GUCY1B1: variants seen among roughly 807,000 people sequenced by gnomAD.
GUCY1B1 encodes the protein guanylate cyclase soluble subunit beta-1.
Under a neutral mutation model 71.0 loss-of-function variants are expected in GUCY1B1, and 43 were observed. That is an observed-to-expected ratio of 0.61 (90% CI 0.47 to 0.78). The LOEUF (loss-of-function observed/expected upper bound fraction) is 0.78. GUCY1B1 is among the 30% of genes least tolerant of loss of function. The pLI is 0.00. For missense variants in GUCY1B1, 535 were observed against 754.1 expected, an observed-to-expected ratio of 0.71 and a Z score of 3.40; for synonymous variants, 266 against 259.7, an observed-to-expected ratio of 1.02 and a Z score of -0.23.
At chr4:155,803,906 T>G (rs1740129417) in intron 11 of GUCY1B1, 142 bp downstream of exon 11, 2 of 494,976 alleles carry the variant, frequency 4.0e-6, no homozygotes, top group Non-Finnish European at 6.9e-6. Flanking sequence ...TCCAGCCCAC[T>G]GTACTACATT....
At chr4:155,799,341 A>G (rs1031760488) in intron 8 of GUCY1B1, among the ~76,000 whole-genome samples, 1 of 152,202 alleles carries the variant, frequency 6.6e-6, no homozygotes, top group Non-Finnish European at 1.5e-5. Flanking sequence ...AGAATGACAC[A>G]TAGTTTTAGA....
chr4:155,771,824 G>A (rs1737711609), intron 2 of GUCY1B1, among the ~76,000 whole-genome samples: 1 of 152,056 alleles, frequency 6.6e-6, no homozygotes, highest in Non-Finnish European at 1.5e-5. Context: ...TGTCTACAAT[G>A]CAATTTTATG....
intron 2 of GUCY1B1, 61 bp downstream of exon 2, chr4:155,759,921 C>A: frequency 1.6e-6 from 2 of 1,249,878 alleles, no homozygotes; most frequent in Non-Finnish European, 2.3e-6. Flanking sequence ...AGGCCCCCCG[C>A]GCCTCGCCTG....
At chr4:155,769,660 T>C (rs1737565693) in intron 2 of GUCY1B1, among the ~76,000 whole-genome samples, 1 of 152,150 alleles carries the variant, frequency 6.6e-6, no homozygotes, top group African/African-American at 2.4e-5. Context: ...AGATGAGCAC[T>C]CTTGAACACA....
chr4:155,787,019 A>T (rs1013275842), intron 4 of GUCY1B1, among the ~76,000 whole-genome samples: 1 of 152,194 alleles, frequency 6.6e-6, no homozygotes, highest in Non-Finnish European at 1.5e-5. Context: ...AATGCAGATA[A>T]AAATAAAACT....
intron 6 of GUCY1B1, among the ~76,000 whole-genome samples, chr4:155,794,945 A>G (rs975268835): frequency 2.0e-5 from 3 of 152,194 alleles, no homozygotes; most frequent in Admixed American, 1.3e-4. Flanking sequence ...AGCCCTCTAG[A>G]TAAATATTAA....
chr4:155,768,500 A>C (rs1406597787), intron 2 of GUCY1B1, among the ~76,000 whole-genome samples: 1 of 133,744 alleles, frequency 7.5e-6, no homozygotes, highest in Admixed American at 7.9e-5. Flanking sequence ...ATGTGTGGGG[A>C]AATTGATTTC....
At chr4:155,799,835 T>C (rs764066071) in intron 8 of GUCY1B1, 42 bp from the exon 9 acceptor site, 3 of 1,190,740 alleles carry the variant, frequency 2.5e-6, no homozygotes, top group Admixed American at 1.9e-5. Flanking sequence ...TTGTCATGTA[T>C]ATAAGTTGAG....
intron 9 of GUCY1B1, 40 bp downstream of exon 9, chr4:155,800,114 C>T: frequency 7.5e-7 from 1 of 1,334,010 alleles, no homozygotes; most frequent in Non-Finnish European, 1.0e-6. Context: ...TTATTCATAA[C>T]ATAATGTGAC....
chr4:155,777,493 C>CT (rs778615522), intron 3 of GUCY1B1, 31 bp from the exon 4 acceptor site: 11 of 1,099,408 alleles, frequency 1.0e-5, no homozygotes, highest in South Asian at 2.5e-5. Flanking sequence ...CTATTATATG[C>CT]TTTTTTTCCC....
At chr4:155,772,618 G>T in intron 2 of GUCY1B1, 1 of 682,428 alleles carries the variant, frequency 1.5e-6, no homozygotes, top group Non-Finnish European at 2.7e-6. Context: ...AGAGGTCTTG[G>T]TATGTCGCCC....
intron 2 of GUCY1B1, among the ~76,000 whole-genome samples, chr4:155,770,730 G>A (rs1221731375): frequency 6.6e-6 from 1 of 152,280 alleles, no homozygotes; most frequent in Middle Eastern, 3.4e-3. Flanking sequence ...TTAGGTATAA[G>A]GTGGTAAGGA....
intron 2 of GUCY1B1, 133 bp downstream of exon 2, chr4:155,759,993 C>T (rs1265277496): frequency 4.0e-5 from 25 of 621,386 alleles, no homozygotes; most frequent in Non-Finnish European, 6.8e-5. Flanking sequence ...GCGCCTCGCT[C>T]CCGGCTCGCT....
At chr4:155,791,767 C>G (rs1312011558) in intron 5 of GUCY1B1, among the ~76,000 whole-genome samples, 2 of 110,472 alleles carry the variant, frequency 1.8e-5, no homozygotes, top group Non-Finnish European at 3.9e-5. Context: ...TAAAGCAAAA[C>G]AAAACGAAAA....
At chr4:155,787,553 T>C (rs1236303525) in intron 4 of GUCY1B1, among the ~76,000 whole-genome samples, 3 of 152,170 alleles carry the variant, frequency 2.0e-5, no homozygotes, top group Admixed American at 6.5e-5. Flanking sequence ...GCTTCCTCAT[T>C]TGCTCATCAA....
At chr4:155,784,835 GTAAT>G (rs1026031025) in intron 4 of GUCY1B1, among the ~76,000 whole-genome samples, 1 of 152,130 alleles carries the variant, frequency 6.6e-6, no homozygotes, top group Non-Finnish European at 1.5e-5. Context: ...CTTTGCCCCT[GTAAT>G]TATGTAAGAA....
At position 155,759,031 on chromosome 4, in the gene GUCY1B1, G is replaced by T; in HGVS notation, c.-110G>T. The T allele has an allele frequency of 3.3e-6, 4 of 1,211,792 alleles. No individual in the cohort carries two copies. Among genetic ancestry groups the T allele is most frequent in the East Asian group, 2.5e-5 (1 of 39,380 alleles). The allele number at this position is 1,211,792 out of a possible 1,614,324, so 75.1% of individuals were successfully genotyped here. On this transcript the variant is annotated 5_prime_UTR_variant, in exon 1 of 14. Coordinates refer to ENST00000264424, the MANE Select transcript of GUCY1B1 (RefSeq NM_000857.5). ...AAGGCGGCTGTTCTCGCTCCAGCTC[G>T]ATGCTGCCTCCCCGGCCCGGTTGCG... is the stretch of plus-strand genomic sequence containing the variant.
chr4:155,780,457 G>T (rs1479151745), intron 4 of GUCY1B1, among the ~76,000 whole-genome samples: 1 of 152,010 alleles, frequency 6.6e-6, no homozygotes, highest in Non-Finnish European at 1.5e-5. Context: ...ATTTTCATAG[G>T]ACACTCTATT....
In GUCY1B1 at chr4:155,800,023, G is replaced by A. The variant is rs370597714; in HGVS notation, c.1124G>A (p.Arg375Lys). ...CAAGAACTGGAAATCCTCACTGACA[G>A]GCTACAGCTCACGTTAAGAGCCCTG... ...LTQELEILTD[R>K]LQLTLRALED... is the part of the protein sequence containing the mutation. Residue 375 changes from arginine (R) to lysine (K), a missense_variant, in exon 9 of 14, where the codon AGG (arginine) becomes AAG (lysine). Arg to Lys is a conservative substitution (Grantham distance 26). Coordinates refer to ENST00000264424, the MANE Select transcript of GUCY1B1 (RefSeq NM_000857.5). 5.6e-6 allele frequency: 9 copies of A among 1,613,570 alleles called. No individual in the cohort carries two copies. The African/African-American group carries it at 9.3e-5, about 17-fold the overall frequency.
Sources: allele counts gnomAD v4.1 joint callset (sites outside exome capture counted in the v4.1 genomes callset), GRCh38; gene constraint gnomAD v4.1.1; transcripts MANE v1.5; gene names NCBI Gene and HGNC (gene_info 2026-07-23, HGNC 2026-07-21).